The following TUSC3 variants were observed in gnomAD, a reference collection of about 807,000 sequenced individuals.
The protein encoded by TUSC3 is dolichyl-diphosphooligosaccharide--protein glycosyltransferase subunit TUSC3.
A neutral mutation model predicts 44.8 loss-of-function variants in TUSC3; 45 were observed. That is an observed-to-expected ratio of 1.00 (90% CI 0.79 to 1.29). TUSC3 has a LOEUF of 1.29. Among genes scored for constraint, TUSC3 ranks in the 50% most tolerant of loss-of-function variants. TUSC3 has a pLI of 0.00. For missense variants in TUSC3, 519 were observed against 437.9 expected (o/e 1.19, Z -1.65); for synonymous variants, 212 against 152.9 (o/e 1.39, Z -2.85).
intron 2 of TUSC3, among the ~76,000 whole-genome samples, chr8:15,630,462 T>A (rs898802899): frequency 7.0e-6 from 1 of 142,714 alleles, no homozygotes; most frequent in Admixed American, 6.9e-5. Flanking sequence ...AGTATATATA[T>A]TATGTCATGT....
At chr8:15,534,322 A>C (rs938756410) in intron 2 of TUSC3, among the ~76,000 whole-genome samples, 7 of 152,148 alleles carry the variant, frequency 4.6e-5, no homozygotes, top group African/African-American at 7.2e-5. Context: ...ACTAGGGTTA[A>C]ATTTCTCATG....
intron 1 of TUSC3, among the ~76,000 whole-genome samples, chr8:15,621,599 A>T (rs1189240950): frequency 6.8e-6 from 1 of 147,978 alleles, no homozygotes; most frequent in Non-Finnish European, 1.5e-5. Context: ...ATATGGATTT[A>T]TATATATAAA....
chr8:15,526,540 G>T (rs1336077501), intron 2 of TUSC3, among the ~76,000 whole-genome samples: 1 of 152,076 alleles, frequency 6.6e-6, no homozygotes, highest in Non-Finnish European at 1.5e-5. Flanking sequence ...TCTCCTGGTG[G>T]TGAATAAGTC....
At chr8:15,526,033 G>C (rs943039628) in intron 2 of TUSC3, among the ~76,000 whole-genome samples, 1 of 151,474 alleles carries the variant, frequency 6.6e-6, no homozygotes, top group Non-Finnish European at 1.5e-5. Context: ...ACTTGTGGGA[G>C]ATTCATCTTT....
At chr8:15,509,269 A>G (rs1323580604) in intron 2 of TUSC3, among the ~76,000 whole-genome samples, 1 of 152,188 alleles carries the variant, frequency 6.6e-6, no homozygotes, top group Admixed American at 6.5e-5. Flanking sequence ...CAGCCATCTA[A>G]GTTAGTTTCC....
chr8:15,657,464 G>T (rs781652628), intron 3 of TUSC3, among the ~76,000 whole-genome samples: 4 of 152,152 alleles, frequency 2.6e-5, no homozygotes, highest in Non-Finnish European at 5.9e-5. Context: ...TTTGTAAGAA[G>T]GATGGTCTTT....
intron 6 of TUSC3, among the ~76,000 whole-genome samples, chr8:15,716,858 C>G (rs1427088540): frequency 2.0e-5 from 3 of 151,454 alleles, no homozygotes; most frequent in Admixed American, 6.6e-5. Context: ...TTTAAGTGTT[C>G]TTCATACCCT....
At chr8:15,507,676 A>G (rs1448837438) in intron 2 of TUSC3, among the ~76,000 whole-genome samples, 3 of 152,196 alleles carry the variant, frequency 2.0e-5, no homozygotes, top group African/African-American at 4.8e-5. Flanking sequence ...TACAAAATAC[A>G]AAAATATGTT....
chr8:15,495,787 C>G (rs1326255085), intron 2 of TUSC3, among the ~76,000 whole-genome samples: 1 of 152,092 alleles, frequency 6.6e-6, no homozygotes, highest in East Asian at 1.9e-4. Flanking sequence ...AGAAAGAGAT[C>G]ATAGGCTTAT....
chr8:15,775,483 C>T, the TUSC3 span, among the ~76,000 whole-genome samples: 22 of 152,048 alleles, frequency 1.4e-4, no homozygotes, highest in African/African-American at 4.8e-4. Flanking sequence ...CACCACAATA[C>T]AAATTGTGCA....
At chr8:15,815,780 T>A in the TUSC3 span, among the ~76,000 whole-genome samples, 1 of 152,266 alleles carries the variant, frequency 6.6e-6, no homozygotes, top group East Asian at 1.9e-4. Flanking sequence ...AGTCCCTTAT[T>A]AGAGAACTTG....
intron 1 of TUSC3, among the ~76,000 whole-genome samples, chr8:15,463,433 A>G (rs924517583): frequency 6.6e-6 from 1 of 152,124 alleles, no homozygotes; most frequent in African/African-American, 2.4e-5. Context: ...TTTTTAAAAG[A>G]TAATGTTTAT....
intron 1 of TUSC3, among the ~76,000 whole-genome samples, chr8:15,453,006 A>G (rs1239345936): frequency 6.6e-6 from 1 of 152,040 alleles, no homozygotes; most frequent in African/African-American, 2.4e-5. Flanking sequence ...ACTTTTAATA[A>G]GAGGACTCTA....
At chr8:15,657,780 A>G (rs371425068) in intron 3 of TUSC3, among the ~76,000 whole-genome samples, 62 of 152,290 alleles carry the variant, frequency 4.1e-4, no homozygotes, top group African/African-American at 1.5e-3. Flanking sequence ...CTCTGAGACC[A>G]GTGTTTGTCT....
intron 1 of TUSC3, among the ~76,000 whole-genome samples, chr8:15,429,625 T>C (rs28800472): frequency 0.38 from 57,839 of 151,234 alleles, 14,151 homozygotes; most frequent in African/African-American, 0.68. Context: ...TGTTCTTCCA[T>C]TTGTTTGTAT....
At chr8:15,768,522 A>G (rs190690135), downstream of TUSC3, among the ~76,000 whole-genome samples, 306 of 152,322 alleles carry the variant, frequency 2.0e-3, no homozygotes, top group African/African-American at 6.7e-3. Context: ...AATGTCTTCA[A>G]CCTACTCAAA....
At chr8:15,581,065 A>C (rs1803307237) in intron 1 of TUSC3, among the ~76,000 whole-genome samples, 1 of 126,302 alleles carries the variant, frequency 7.9e-6, no homozygotes, top group Non-Finnish European at 1.6e-5. Context: ...CATTTCATTC[A>C]TTTCATCTTC....
intron 2 of TUSC3, among the ~76,000 whole-genome samples, chr8:15,524,686 G>T (rs117697184): frequency 6.6e-6 from 1 of 152,248 alleles, no homozygotes; most frequent in Non-Finnish European, 1.5e-5. Flanking sequence ...ACCCAATGGA[G>T]AACCTATTTT....
intron 1 of TUSC3, among the ~76,000 whole-genome samples, chr8:15,431,048 G>T (rs10086098): frequency 0.013 from 1,918 of 151,758 alleles, 94 homozygotes; most frequent in African/African-American, 0.045. Flanking sequence ...ATATGTATCA[G>T]TCTTTGTGCC....
Sources: allele counts gnomAD v4.1 joint callset (sites outside exome capture counted in the v4.1 genomes callset), GRCh38; gene constraint gnomAD v4.1.1; transcripts MANE v1.5; gene names NCBI Gene and HGNC (gene_info 2026-07-23, HGNC 2026-07-21).